USP24: variants seen among roughly 807,000 people sequenced by gnomAD.
USP24 encodes ubiquitin specific peptidase 24.
USP24 carries 97 observed loss-of-function variants against 361.6 expected under a neutral mutation model. The ratio of observed to expected loss-of-function variants is 0.27; its 90% CI spans 0.23 to 0.32. The LOEUF (loss-of-function observed/expected upper bound fraction) is 0.32. USP24 is among the 10% of genes least tolerant of loss of function. The pLI is 1.00. For synonymous variants in USP24, 1,098 were observed against 1,124.6 expected (o/e 0.98, Z 0.47); for missense variants, 2,353 against 3,165.6 (o/e 0.74, Z 6.16).
chr1:55,204,524 T>C (rs1374541706), intron 1 of USP24, among the ~76,000 whole-genome samples: 1 of 151,992 alleles, frequency 6.6e-6, no homozygotes, highest in Non-Finnish European at 1.5e-5. Context: ...CCACTATGGA[T>C]CAAATTACAT....
At position 55,103,865 on chromosome 1, in the gene USP24, A is replaced by G. The variant is rs1645704297; in HGVS notation, c.5025+11T>C. 6.2e-7 allele frequency: 1 copy of G among 1,605,552 alleles called. No homozygotes were observed. The highest frequency in any genetic ancestry group is 1.3e-5 in the African/African-American group (1 of 74,406). On this transcript the variant is annotated intron_variant, in intron 42 of 67. Coordinates refer to ENST00000294383, the MANE Select transcript of USP24 (RefSeq NM_015306.3). ...AAAAAAATTAAGTTCATCAACGTCTAGAAAACCTACATCAAACTCCTTGGT... is the reference window on the plus strand; with the variant it reads ...AAAAAAATTAAGTTCATCAACGTCTGGAAAACCTACATCAAACTCCTTGGT...
chr1:55,192,886 C>T (rs1377342066), intron 1 of USP24, among the ~76,000 whole-genome samples: 2 of 152,204 alleles, frequency 1.3e-5, no homozygotes, highest in East Asian at 1.9e-4. Context: ...TAGTAAATAA[C>T]TTCCTAAACT....
At position 55,162,221 on chromosome 1, in the gene USP24, T is replaced by C; in HGVS notation, c.971A>G (p.Tyr324Cys). ...LIQPLGVCAE[Y>C]LNSSVVQPML... ...TACCTGTACCACGGAGGAATTGAGG[T>C]ACTCTGCACACACTCCTAAGGGCTG... is the stretch of plus-strand genomic sequence containing the variant. Residue 324 changes from tyrosine to cysteine, a missense_variant, in exon 8 of 68, where the codon TAC becomes TGC. Around this residue, in one of 8 missense-constraint regions of USP24, gnomAD observed 386 missense variants for 560.5 expected, o/e 0.69. Transcript: ENST00000294383. 6.3e-7 allele frequency: 1 copy of C among 1,595,432 alleles called. No individual in the cohort carries two copies. Among genetic ancestry groups the C allele is most frequent in the Non-Finnish European group, 8.5e-7 (1 of 1,172,410 alleles).
At chr1:55,073,505 G>T (rs1644961350) in intron 64 of USP24, among the ~76,000 whole-genome samples, 2 of 152,154 alleles carry the variant, frequency 1.3e-5, no homozygotes, top group Non-Finnish European at 2.9e-5. Flanking sequence ...CTGGTAGCTG[G>T]GTTACATTAA....
intron 42 of USP24, 133 bp from the exon 43 acceptor site, chr1:55,101,836 C>T: frequency 8.6e-7 from 1 of 1,160,780 alleles, no homozygotes; most frequent in Non-Finnish European, 1.2e-6. Context: ...GCTATGCTGG[C>T]AAAACCTATG....
intron 3 of USP24, among the ~76,000 whole-genome samples, chr1:55,172,958 T>G (rs189607025): frequency 6.6e-6 from 1 of 152,208 alleles, no homozygotes. Context: ...ACAAATGTTA[T>G]GAGGATTAAA....
intron 1 of USP24, among the ~76,000 whole-genome samples, chr1:55,212,940 T>C (rs1403182425): frequency 3.9e-5 from 6 of 152,230 alleles, no homozygotes; most frequent in Non-Finnish European, 8.8e-5. Flanking sequence ...TCCCAATTCT[T>C]TGTACTTACA....
chr1:55,208,892 C>T (rs1389066656), intron 1 of USP24, among the ~76,000 whole-genome samples: 5 of 152,012 alleles, frequency 3.3e-5, no homozygotes, highest in African/African-American at 4.8e-5. Flanking sequence ...GCCAAGATCA[C>T]ACCACTGCAC....
chr1:55,079,801 C>T (rs1645109149), intron 59 of USP24, 142 bp from the exon 60 acceptor site: 1 of 1,146,348 alleles, frequency 8.7e-7, no homozygotes, highest in Non-Finnish European at 1.2e-6. Context: ...ACTGAGTACT[C>T]ACACACTGAG....
intron 2 of USP24, among the ~76,000 whole-genome samples, chr1:55,177,534 T>C (rs1650117999): frequency 6.6e-6 from 1 of 151,808 alleles, no homozygotes; most frequent in African/African-American, 2.4e-5. Flanking sequence ...AGTACAGGTG[T>C]TCATACTGAC....
intron 1 of USP24, among the ~76,000 whole-genome samples, chr1:55,198,097 A>T (rs985593521): frequency 1.3e-5 from 2 of 152,192 alleles, no homozygotes; most frequent in African/African-American, 2.4e-5. Flanking sequence ...TACTACAGGA[A>T]TAAAACCCCA....
At chr1:55,178,272 T>C (rs1243532351) in intron 1 of USP24, 140 bp from the exon 2 acceptor site, 3 of 889,774 alleles carry the variant, frequency 3.4e-6, no homozygotes, top group East Asian at 2.7e-5. Flanking sequence ...TTCTTTCCTA[T>C]AATCACATCT....
chr1:55,109,063 A>G (rs1645873694), intron 39 of USP24, among the ~76,000 whole-genome samples: 1 of 152,190 alleles, frequency 6.6e-6, no homozygotes, highest in Non-Finnish European at 1.5e-5. Flanking sequence ...ATCTCTGCTC[A>G]CTGCAACCTC....
chr1:55,131,124 A>C lies in USP24; in HGVS notation c.3537+1421T>G, dbSNP rs187691542. Among the ~76,000 whole-genome samples the C allele has an allele frequency of 6.7e-4, 102 of 152,328 alleles. No individual in the cohort carries two copies. The East Asian group carries it at 0.017, about 25-fold the overall frequency. The stretch of plus-strand genomic sequence containing the variant: ...AACTTTTTGGAGATAATCATTCAAA[A>C]ACAAATGACAGATCTGGCAGGAATC... On this transcript the variant is annotated intron_variant, in intron 31 of 67. Coordinates refer to ENST00000294383, the MANE Select transcript of USP24 (RefSeq NM_015306.3).
chr1:55,199,659 C>T (rs1331521692), intron 1 of USP24, among the ~76,000 whole-genome samples: 1 of 150,750 alleles, frequency 6.6e-6, no homozygotes. Context: ...GAAGCTAAAG[C>T]AAATGTGACA....
intron 10 of USP24, among the ~76,000 whole-genome samples, chr1:55,158,384 A>T (rs763125932): frequency 3.9e-5 from 6 of 152,258 alleles, no homozygotes; most frequent in Admixed American, 6.5e-5. Context: ...ATTATAACTG[A>T]ACTGCATTGG....
In USP24 at chr1:55,214,841, G is replaced by A. The variant is rs1644945685; in HGVS notation, c.273C>T (p.Gly91=). The change falls in exon 1 of 68, where the codon GGC becomes GGT. Residue 91 remains glycine (G), a synonymous_variant. Transcript: ENST00000294383. The part of the protein sequence containing the change: ...GGPSRGGSTG[G]GGGFDPPPAY... ...CGGGCGGGGGGTCGAAGCCGCCCCC[G>A]CCTCCGGTGCTCCCGCCGCGGGAGG... The A allele has an allele frequency of 2.5e-6, 3 of 1,222,364 alleles. No individual in the cohort carries two copies. In the Admixed American group the frequency reaches 1.3e-4, roughly 54 times the overall value. 75.7% of individuals were successfully genotyped at this position (1,222,364 alleles called of 1,614,324 possible).
intron 39 of USP24, among the ~76,000 whole-genome samples, chr1:55,108,859 G>A (rs2100543571): frequency 6.6e-6 from 1 of 152,290 alleles, no homozygotes; most frequent in Admixed American, 6.5e-5. Flanking sequence ...CTGTTAGATG[G>A]ACATGTAGTC....
At position 55,069,117 on chromosome 1, in the gene USP24, A is replaced by C. The variant is rs1385638369; in HGVS notation, c.7801-10T>G. ...TGGGAGATTCTGAACCCTGCAGAAA[A>C]GAAAAGGAAGTTAAAGTTCATACGG... On this transcript the variant is annotated splice_polypyrimidine_tract_variant and intron_variant, in intron 67 of 67. Coordinates refer to ENST00000294383, the MANE Select transcript of USP24 (RefSeq NM_015306.3). 1.2e-6 allele frequency: 2 copies of C among 1,613,988 alleles called. No homozygotes were observed. Among genetic ancestry groups the C allele is most frequent in the Admixed American group, 3.3e-5 (2 of 60,028 alleles).
Sources: allele counts gnomAD v4.1 joint callset (sites outside exome capture counted in the v4.1 genomes callset), GRCh38; gene constraint gnomAD v4.1.1; regional missense constraint gnomAD v4.1.1; transcripts MANE v1.5; gene names NCBI Gene and HGNC (gene_info 2026-07-23, HGNC 2026-07-21).